Variants in SIN3B observed in about 807,000 individuals in gnomAD.
The protein encoded by SIN3B is paired amphipathic helix protein Sin3b.
A neutral mutation model predicts 120.2 loss-of-function variants in SIN3B; 19 were observed. The ratio of observed to expected loss-of-function variants is 0.16; its 90% CI spans 0.11 to 0.23. The LOEUF is 0.23. Among genes scored for constraint, SIN3B ranks in the 10% least tolerant of loss-of-function variants. SIN3B has a pLI of 1.00. For missense variants in SIN3B, 1,073 were observed against 1,573.0 expected, an observed-to-expected ratio of 0.68 and a Z score of 5.38; for synonymous variants, 654 against 653.2, an observed-to-expected ratio of 1.00 and a Z score of -0.02.
At chr19:16,859,738 T>C (rs1971661920) in intron 8 of SIN3B, among the ~76,000 whole-genome samples, 1 of 152,206 alleles carries the variant, frequency 6.6e-6, no homozygotes, top group Non-Finnish European at 1.5e-5. Context: ...TTTCTGTGGA[T>C]GTGGAATGCA....
At chr19:16,853,369 G>A (rs1346819444) in intron 7 of SIN3B, among the ~76,000 whole-genome samples, 1 of 152,260 alleles carries the variant, frequency 6.6e-6, no homozygotes, top group African/African-American at 2.4e-5. Context: ...AGGAGTCCCA[G>A]TGGGTGCTGA....
At chr19:16,875,969 C>T in intron 14 of SIN3B, 86 bp from the exon 15 acceptor site, 3 of 1,439,470 alleles carry the variant, frequency 2.1e-6, no homozygotes, top group Non-Finnish European at 2.8e-6. Context: ...TGATGTGTTT[C>T]TGGCCTTTGT....
At chr19:16,870,105 CG>C in intron 13 of SIN3B, 30 bp downstream of exon 13, 5 of 1,533,894 alleles carry the variant, frequency 3.3e-6, no homozygotes, top group Non-Finnish European at 2.6e-6. Context: ...CGGGAGGCCC[CG>C]GGGGGTGCCT....
chr19:16,832,191 CTTTTTTTTTTTTT>C (rs10528185), intron 3 of SIN3B, among the ~76,000 whole-genome samples: 64,962 of 126,522 alleles, frequency 0.51, 14,987 homozygotes, highest in South Asian at 0.54. Flanking sequence ...TGCTGGCCCT[CTTTTTTTTTTTTT>C]TTTTTTTTTT....
At chr19:16,867,800 G>A (rs575410262) in intron 12 of SIN3B, among the ~76,000 whole-genome samples, 1 of 151,988 alleles carries the variant, frequency 6.6e-6, no homozygotes, top group Non-Finnish European at 1.5e-5. Flanking sequence ...CTCCCTTCCC[G>A]TGGGCCACCC....
At chr19:16,855,380 C>CG (rs796191907) in intron 8 of SIN3B, 6 of 117,110 alleles carry the variant, frequency 5.1e-5, no homozygotes, top group South Asian at 3.4e-4. Context: ...TCCCCCCCCC[C>CG]CCCCCAGCAA....
chr19:16,871,467 G>T, intron 14 of SIN3B, 69 bp downstream of exon 14: 1 of 1,445,120 alleles, frequency 6.9e-7, no homozygotes, highest in Non-Finnish European at 9.4e-7. Context: ...TTCACTCCCC[G>T]CTCGGGAGGG....
At chr19:16,863,382 G>A (rs1971716093) in intron 9 of SIN3B, 1 of 500,884 alleles carries the variant, frequency 2.0e-6, no homozygotes, top group East Asian at 3.4e-5. Context: ...TTCTAGAGAT[G>A]ATTTTGCATA....
At chr19:16,833,388 C>G (rs543502191) in intron 3 of SIN3B, among the ~76,000 whole-genome samples, 84 of 151,930 alleles carry the variant, frequency 5.5e-4, no homozygotes, top group African/African-American at 2.0e-3. Context: ...AATCCCAGCA[C>G]TTTGGGGGGC....
At chr19:16,829,998 T>A in intron 2 of SIN3B, 101 bp downstream of exon 2, 1 of 771,458 alleles carries the variant, frequency 1.3e-6, no homozygotes, top group Non-Finnish European at 2.2e-6. Flanking sequence ...CTTAGCCGGG[T>A]GACCTTGCGC....
intron 3 of SIN3B, among the ~76,000 whole-genome samples, chr19:16,836,700 C>T (rs1179374042): frequency 1.3e-5 from 2 of 152,156 alleles, no homozygotes; most frequent in African/African-American, 2.4e-5. Flanking sequence ...GGAACATGGC[C>T]GCTCTCAGCT....
At chr19:16,829,749 T>G (rs1971255345) in intron 1 of SIN3B, 42 bp from the exon 2 acceptor site, 13 of 1,513,288 alleles carry the variant, frequency 8.6e-6, no homozygotes, top group African/African-American at 2.8e-5. Flanking sequence ...CGTCCCCTCG[T>G]TCCGCGGCCA....
In SIN3B at chr19:16,876,311, G is replaced by C; in HGVS notation, c.2766+83G>C. ...TGGACTCAGTCCTGGGTGGACCCTG[G>C]TTCAGCGGCTGGGACACCGGCCCTG... On this transcript the variant is annotated intron_variant, in intron 15 of 18. Coordinates refer to ENST00000248054, the MANE Select transcript of SIN3B (RefSeq NM_001297595.2). This position sits in a 1 kb window ranked among gnomAD's most constrained non-coding sequence, Gnocchi z 7.1. The C allele has an allele frequency of 1.1e-5, 17 of 1,500,950 alleles. No individual in the cohort carries two copies. Among genetic ancestry groups the C allele is most frequent in the Non-Finnish European group, 1.4e-5 (16 of 1,109,596 alleles). 93.0% of individuals were successfully genotyped at this position (1,500,950 alleles called of 1,614,324 possible).
At chr19:16,835,079 A>T (rs1329759363) in intron 3 of SIN3B, among the ~76,000 whole-genome samples, 1 of 151,482 alleles carries the variant, frequency 6.6e-6, no homozygotes, top group Non-Finnish European at 1.5e-5. Context: ...GGCATGCACC[A>T]GCGCGCCCGA....
chr19:16,853,285 G>C lies in SIN3B; in HGVS notation c.939+127G>C, dbSNP rs913567087. 8 of 786,634 alleles carry C rather than the reference G, an allele frequency of 1.0e-5. No individual in the cohort carries two copies. The African/African-American group carries it at 1.4e-4, about 14-fold the overall frequency. 48.7% of individuals were successfully genotyped at this position (786,634 alleles called of 1,614,324 possible). ...GTGGGTGCAGTCTGAGGATGGATCCGGCGGGGCTGGCCCCCAGCTTTCACT... is the reference window on the plus strand; with the variant it reads ...GTGGGTGCAGTCTGAGGATGGATCCCGCGGGGCTGGCCCCCAGCTTTCACT... On this transcript the variant is annotated intron_variant, in intron 7 of 18. Coordinates refer to ENST00000248054, the MANE Select transcript of SIN3B (RefSeq NM_001297595.2).
intron 5 of SIN3B, among the ~76,000 whole-genome samples, chr19:16,849,753 G>A (rs528011525): frequency 5.4e-4 from 82 of 152,218 alleles, no homozygotes; most frequent in African/African-American, 1.3e-3. Flanking sequence ...TCATATGGTC[G>A]CCCAGCTGCA....
At position 16,862,403 on chromosome 19, in the gene SIN3B, G is replaced by A; in HGVS notation, c.1110G>A (p.Glu370=). The A allele has an allele frequency of 1.2e-6, 2 of 1,614,198 alleles. No individual in the cohort carries two copies. The highest frequency in any genetic ancestry group is 1.7e-6 in the Non-Finnish European group (2 of 1,180,046). ...TCAAGTCCTTCCTGGGGGTAAAAGA[G>A]CTGTCCTTCGCGCCACCCATGAGCG... The part of the protein sequence containing the change: ...AQFKSFLGVK[E]LSFAPPMSDR... The change falls in exon 9 of 19, where the codon GAG becomes GAA. Residue 370 remains glutamate, a synonymous_variant. Transcript: ENST00000248054. The surrounding 1 kb of genome is among the most constrained non-coding windows in gnomAD (Gnocchi z 4.7).
At chr19:16,830,460 G>T (rs1971264692) in intron 2 of SIN3B, among the ~76,000 whole-genome samples, 1 of 152,300 alleles carries the variant, frequency 6.6e-6, no homozygotes, top group East Asian at 1.9e-4. Flanking sequence ...GAAGATTACA[G>T]ATAGATGGGA....
intron 12 of SIN3B, among the ~76,000 whole-genome samples, chr19:16,868,126 G>A (rs1238072417): frequency 6.6e-6 from 1 of 152,206 alleles, no homozygotes; most frequent in Non-Finnish European, 1.5e-5. Context: ...TGGGGACCCT[G>A]CTTCAGAGGG....
Sources: gnomAD v4.1 joint callset for allele counts (sites outside exome capture counted in the v4.1 genomes callset) on GRCh38, gnomAD v4.1.1 for gene constraint, Gnocchi (gnomAD v3.1) non-coding constraint, MANE v1.5 for transcripts, NCBI Gene and HGNC (gene_info 2026-07-23, HGNC 2026-07-21) for gene names.